Variants in MUC5B observed in about 807,000 individuals in gnomAD.
MUC5B encodes the protein mucin-5B.
Under a neutral mutation model 376.9 loss-of-function variants are expected in MUC5B, and 116 were observed. The observed-to-expected ratio is 0.31, with a 90% confidence interval of 0.26 to 0.36. The LOEUF (loss-of-function observed/expected upper bound fraction) is 0.36. Among genes scored for constraint, MUC5B ranks in the 10% least tolerant of loss-of-function variants. The pLI, the probability that MUC5B is intolerant of heterozygous loss-of-function variation, is 1.00. For missense variants in MUC5B, 7,165 were observed against 7,769.9 expected, an observed-to-expected ratio of 0.92 and a Z score of 2.93; for synonymous variants, 3,517 against 3,390.9, an observed-to-expected ratio of 1.04 and a Z score of -1.29.
In MUC5B at chr11:1,253,953, T is replaced by C. The variant is rs926342040; in HGVS notation, c.15218-139T>C. The C allele has an allele frequency of 1.2e-5, 15 of 1,210,306 alleles. No individual in the cohort carries two copies. The highest frequency in any genetic ancestry group is 4.9e-5 in the Admixed American group (2 of 40,662). 75.0% of individuals were successfully genotyped at this position (1,210,306 alleles called of 1,614,324 possible). A position where few individuals can be genotyped will look rare whatever the true frequency, so the allele number is the denominator to read the frequency against. On this transcript the variant is annotated intron_variant, in intron 33 of 48. Transcript: ENST00000529681. The surrounding 1 kb of genome is among the most constrained non-coding windows in gnomAD (Gnocchi z 4.3). ...ATTCTACACACTGGACCCATTTTTATAGACGAGGCAGCTGAGGCCCCAGGG... is the reference window on the plus strand; with the variant it reads ...ATTCTACACACTGGACCCATTTTTACAGACGAGGCAGCTGAGGCCCCAGGG...
chr11:1,239,363 G>A (rs1188839825), intron 26 of MUC5B, 75 bp from the exon 27 acceptor site: 21 of 1,520,980 alleles, frequency 1.4e-5, no homozygotes, highest in Middle Eastern at 1.8e-4. Context: ...CCCCACGCCC[G>A]GGGTAGGGGC....
At position 1,245,869 on chromosome 11, in the gene MUC5B, A is replaced by G. The variant is rs766522494; in HGVS notation, c.8989A>G (p.Thr2997Ala). ...GACGACCTGGATCCTCACAGAGCAG[A>G]CCACAGCAGCCACTACGACCGCAAC... ...PGTTWILTEQ[T>A]TAATTTATTG... The change falls in exon 31 of 49, where the codon ACC becomes GCC. Residue 2997 changes from threonine to alanine, a missense_variant. This residue lies in a region of MUC5B where 939 missense variants were observed against 770.6 expected (regional missense o/e 1.22). Coordinates refer to ENST00000529681, the MANE Select transcript of MUC5B (RefSeq NM_002458.3). 1.2e-6 allele frequency: 2 copies of G among 1,613,292 alleles called. No homozygotes were observed. The highest frequency in any genetic ancestry group is 8.5e-7 in the Non-Finnish European group (1 of 1,179,806).
Position 1,251,505 on chromosome 11 carries a change from C to G in MUC5B, c.14625C>G (p.His4875Gln). The change falls in exon 31 of 49, where the codon CAC (histidine) becomes CAG (glutamine). Residue 4875 changes from histidine to glutamine, a missense_variant. This residue lies in a region of MUC5B where 730 missense variants were observed against 592.7 expected (regional missense o/e 1.23). Coordinates refer to ENST00000529681, the MANE Select transcript of MUC5B (RefSeq NM_002458.3). ...ATASSTLGTA[H>Q]TPKVVTTMAT... ...CCTCCTCCACTCTGGGAACAGCTCA[C>G]ACCCCCAAAGTGGTGACCACCATGG... 7 of 1,569,276 alleles carry G rather than the reference C, an allele frequency of 4.5e-6. No individual in the cohort carries two copies. The highest frequency in any genetic ancestry group is 6.1e-6 in the Non-Finnish European group (7 of 1,145,678).
At position 1,234,281 on chromosome 11, in the gene MUC5B, C is replaced by A. The variant is rs766978985; in HGVS notation, c.2454C>A (p.Ser818Arg). Residue 818 changes from serine (S) to arginine (R), a missense_variant, in exon 20 of 49, where the codon AGC (serine) becomes AGA (arginine). Ser to Arg is a moderately radical substitution (Grantham distance 110). Around this residue, in one of 31 missense-constraint regions of MUC5B, gnomAD observed 530 missense variants for 604.0 expected, o/e 0.88. Transcript: ENST00000529681. This position sits in a 1 kb window ranked among gnomAD's most constrained non-coding sequence, Gnocchi z 6.3. ...AGTPGAECLR[S>R]CHTLDVGCFS... ...CCCCTGGGGCCGAGTGCCTCCGGAG[C>A]TGCCACACGCTGGACGTGGGCTGTG... The A allele has an allele frequency of 2.8e-5, 45 of 1,605,222 alleles. No homozygotes were observed. The highest frequency in any genetic ancestry group is 3.7e-5 in the Non-Finnish European group (44 of 1,177,300).
At position 1,245,784 on chromosome 11, in the gene MUC5B, C is replaced by T. The variant is rs756467186; in HGVS notation, c.8904C>T (p.Tyr2968=). ...NYEIRVFCCN[Y]GHCPSTPATS... is the part of the protein sequence containing the mutation. ...AAATCCGTGTGTTCTGCTGCAACTA[C>T]GGCCACTGCCCCAGCACCCCGGCCA... Residue 2968 remains tyrosine (Y), a synonymous_variant, in exon 31 of 49, where the codon TAC becomes TAT. Coordinates refer to ENST00000529681, the MANE Select transcript of MUC5B (RefSeq NM_002458.3). 102 of 1,613,046 alleles carry T rather than the reference C, an allele frequency of 6.3e-5. 1 individual carries two copies. The highest frequency in any genetic ancestry group is 3.5e-4 in the African/African-American group (26 of 74,608).
At chr11:1,259,559 G>A (rs1391970033) in intron 44 of MUC5B, 197 bp from the exon 45 acceptor site, 1 of 609,022 alleles carries the variant, frequency 1.6e-6, no homozygotes, top group Non-Finnish European at 2.9e-6. Context: ...GGCAGGGGTA[G>A]GCAGAGAGAA....
Position 1,248,201 on chromosome 11 carries a change from G to T in MUC5B, c.11321G>T (p.Gly3774Val), listed in dbSNP as rs1263121759. The change falls in exon 31 of 49, where the codon GGG becomes GTG. Residue 3774 changes from glycine (G) to valine (V), a missense_variant. Around this residue, in one of 31 missense-constraint regions of MUC5B, gnomAD observed 72 missense variants for 127.8 expected, o/e 0.56. Transcript: ENST00000529681. ...AAAGCCACTCCCTTCTCCAGTCCAGGGACTGCAACCGCCCTTCCAGCACTG... is the reference window on the plus strand; with the variant it reads ...AAAGCCACTCCCTTCTCCAGTCCAGTGACTGCAACCGCCCTTCCAGCACTG... ...SSKATPFSSP[G>V]TATALPALRS... is the part of the protein sequence containing the mutation. 1 of 1,595,802 alleles carries T rather than the reference G, an allele frequency of 6.3e-7. No homozygotes were observed. Among genetic ancestry groups the T allele is most frequent in the East Asian group, 2.2e-5 (1 of 44,574 alleles).
chr11:1,247,206 C>G lies in MUC5B; in HGVS notation c.10326C>G (p.Thr3442=). 6.4e-7 allele frequency: 1 copy of G among 1,568,888 alleles called. No individual in the cohort carries two copies. Among genetic ancestry groups the G allele is most frequent in the Non-Finnish European group, 8.7e-7 (1 of 1,142,948 alleles). The change falls in exon 31 of 49, where the codon ACC becomes ACG. Residue 3442 remains threonine (T), a synonymous_variant. Coordinates refer to ENST00000529681, the MANE Select transcript of MUC5B (RefSeq NM_002458.3). The part of the protein sequence containing the change: ...TVTPSSALGT[T]HTPPVPNTTA... Reference sequence around the variant, plus strand: ...CTCCCTCCTCTGCCCTAGGGACCACCCACACACCCCCAGTGCCGAACACCA... The same window carrying G: ...CTCCCTCCTCTGCCCTAGGGACCACGCACACACCCCCAGTGCCGAACACCA...
intron 1 of MUC5B, among the ~76,000 whole-genome samples, chr11:1,224,790 C>T (rs547306998): frequency 6.6e-6 from 1 of 152,156 alleles, no homozygotes; most frequent in East Asian, 1.9e-4. Flanking sequence ...GCTGGAAAAG[C>T]CAGGCAGGGC....
At position 1,256,205 on chromosome 11, in the gene MUC5B, G is replaced by A; in HGVS notation, c.16116G>A (p.Gln5372=). ...TKVYKPCGPI[Q]PATCNSRNQS... Reference sequence around the variant, plus strand: ...TGTACAAGCCATGCGGCCCCATACAGCCTGCCACCTGCAACTCTAGGTAAG... The same window carrying A: ...TGTACAAGCCATGCGGCCCCATACAACCTGCCACCTGCAACTCTAGGTAAG... The change falls in exon 38 of 49, where the codon CAG becomes CAA. Residue 5372 remains glutamine (Q), a synonymous_variant. Coordinates refer to ENST00000529681, the MANE Select transcript of MUC5B (RefSeq NM_002458.3). 1 of 732,994 alleles carries A rather than the reference G, an allele frequency of 1.4e-6. No homozygotes were observed. Among genetic ancestry groups the A allele is most frequent in the Non-Finnish European group, 2.5e-6 (1 of 394,352 alleles). The allele number at this position is 732,994 out of a possible 1,614,324, so 45.4% of individuals were successfully genotyped here.
In MUC5B at chr11:1,240,747, G is replaced by A. The variant is rs1030060805; in HGVS notation, c.3971-104G>A. On this transcript the variant is annotated intron_variant, in intron 30 of 48. Transcript: ENST00000529681. ...CACTGGGGTCCCCAGTATCCCACAG[G>A]GGCAGGGCCAGCCCTGGGGAAAGGG... is the stretch of plus-strand genomic sequence containing the variant. 8.6e-5 allele frequency: 97 copies of A among 1,124,748 alleles called. No individual in the cohort carries two copies. The African/African-American group carries it at 1.2e-3, about 14-fold the overall frequency. The allele number at this position is 1,124,748 out of a possible 1,614,324, so 69.7% of individuals were successfully genotyped here.
chr11:1,228,824 G>T, intron 8 of MUC5B, 59 bp downstream of exon 8: 1 of 886,028 alleles, frequency 1.1e-6, no homozygotes, highest in Non-Finnish European at 1.5e-6. Context: ...CAGGGGGAGC[G>T]CCTTGGGGGC....
At position 1,244,737 on chromosome 11, in the gene MUC5B, C is replaced by A; in HGVS notation, c.7857C>A (p.Thr2619=). The change falls in exon 31 of 49, where the codon ACC becomes ACA. Residue 2619 remains threonine, a synonymous_variant. Coordinates refer to ENST00000529681, the MANE Select transcript of MUC5B (RefSeq NM_002458.3). The part of the protein sequence containing the change: ...LTTTTTGFTA[T]PSSSPGTART... ...CCACAACCACGGGCTTCACAGCCAC[C>A]CCCTCCTCCAGCCCAGGGACGGCAC... is the stretch of plus-strand genomic sequence containing the variant. 6.2e-7 allele frequency: 1 copy of A among 1,612,232 alleles called. No individual in the cohort carries two copies.
Position 1,241,951 on chromosome 11 carries a change from T to A in MUC5B, c.5071T>A (p.Ser1691Thr). The part of the protein sequence containing the change: ...TEPTVPGVAT[S>T]TLPTRSALPG... ...ACCCACTGTCCCAGGGGTGGCCACA[T>A]CCACCCTTCCAACACGCTCAGCCCT... Residue 1691 changes from serine to threonine, a missense_variant, in exon 31 of 49, where the codon TCC becomes ACC. Ser to Thr is a moderately conservative substitution (Grantham distance 58). Around this residue, in one of 31 missense-constraint regions of MUC5B, gnomAD observed 897 missense variants for 779.6 expected, o/e 1.15. Transcript: ENST00000529681. 1 of 1,605,252 alleles carries A rather than the reference T, an allele frequency of 6.2e-7. No individual in the cohort carries two copies.
At position 1,249,277 on chromosome 11, in the gene MUC5B, G is replaced by T; in HGVS notation, c.12397G>T (p.Ala4133Ser). The change falls in exon 31 of 49, where the codon GCC (alanine) becomes TCC (serine). Residue 4133 changes from alanine (A) to serine (S), a missense_variant. By Grantham distance (99) the Ala-to-Ser change is moderately conservative. Around this residue, in one of 31 missense-constraint regions of MUC5B, gnomAD observed 47 missense variants for 88.4 expected, o/e 0.53. Transcript: ENST00000529681. ...VVTTGCEPQC[A>S]WSEWLDYSYP... ...GACCACGGGCTGTGAGCCCCAGTGTGCCTGGTCAGAGTGGCTGGACTACAG... is the reference window on the plus strand; with the variant it reads ...GACCACGGGCTGTGAGCCCCAGTGTTCCTGGTCAGAGTGGCTGGACTACAG... The T allele has an allele frequency of 6.2e-7, 1 of 1,611,394 alleles. No individual in the cohort carries two copies.
chr11:1,242,926 A>G lies in MUC5B; in HGVS notation c.6046A>G (p.Thr2016Ala). The G allele has an allele frequency of 6.2e-7, 1 of 1,612,874 alleles. No homozygotes were observed. Among genetic ancestry groups the G allele is most frequent in the Non-Finnish European group, 8.5e-7 (1 of 1,179,248 alleles). ...AGCCACACCCTCCTCCACTCCAGAGACTGCCCACACCTCCACAGTGCTTAC... is the reference window on the plus strand; with the variant it reads ...AGCCACACCCTCCTCCACTCCAGAGGCTGCCCACACCTCCACAGTGCTTAC... ...STATPSSTPE[T>A]AHTSTVLTAT... The change falls in exon 31 of 49, where the codon ACT becomes GCT. Residue 2016 changes from threonine to alanine, a missense_variant. Transcript: ENST00000529681.
chr11:1,254,403 G>T, intron 34 of MUC5B, 52 bp downstream of exon 34: 1 of 1,583,718 alleles, frequency 6.3e-7, no homozygotes, highest in South Asian at 1.1e-5. Flanking sequence ...AACCGCACCT[G>T]GGCAGGCCGA....
At position 1,249,984 on chromosome 11, in the gene MUC5B, G is replaced by A. The variant is rs201027173; in HGVS notation, c.13104G>A (p.Thr4368=). 1,111 of 1,604,404 alleles carry A rather than the reference G, an allele frequency of 6.9e-4. No homozygotes were observed. The African/African-American group carries it at 0.013, about 19-fold the overall frequency. ...CCCACACCTCCACAGTGCTGACCAC[G>A]AAGGCCACCACGACAAGGGCCACCA... ...ETTHTSTVLT[T]KATTTRATSS... Residue 4368 remains threonine, a synonymous_variant, in exon 31 of 49, where the codon ACG becomes ACA. Coordinates refer to ENST00000529681, the MANE Select transcript of MUC5B (RefSeq NM_002458.3).
chr11:1,236,832 G>C, intron 24 of MUC5B, 93 bp from the exon 25 acceptor site: 1 of 1,373,890 alleles, frequency 7.3e-7, no homozygotes, highest in Non-Finnish European at 9.5e-7. Flanking sequence ...TCCATCCCCC[G>C]AGGGCTCTGG....
Sources: allele counts gnomAD v4.1 joint callset (sites outside exome capture counted in the v4.1 genomes callset), GRCh38; gene constraint gnomAD v4.1.1; regional missense constraint gnomAD v4.1.1; non-coding constraint Gnocchi (gnomAD v3.1); transcripts MANE v1.5; gene names NCBI Gene and HGNC (gene_info 2026-07-23, HGNC 2026-07-21).